The following PCDHGA2 variants were observed in gnomAD, a reference collection of about 807,000 sequenced individuals.
PCDHGA2 encodes protocadherin gamma-A2.
A neutral mutation model predicts 59.2 loss-of-function variants in PCDHGA2; 40 were observed. That is an observed-to-expected ratio of 0.68 (90% CI 0.52 to 0.88). The LOEUF (loss-of-function observed/expected upper bound fraction) is 0.88, where lower values mean the gene tolerates loss of function less well. PCDHGA2 is among the 40% of genes least tolerant of loss of function. The pLI is 0.00. For missense variants in PCDHGA2, 1,226 were observed against 1,204.0 expected, an observed-to-expected ratio of 1.02 and a Z score of -0.27; for synonymous variants, 560 against 526.0, an observed-to-expected ratio of 1.06 and a Z score of -0.89.
At chr5:141,375,743 G>T (rs1306571091) in intron 1 of PCDHGA2, 1 of 1,614,120 alleles carries the variant, frequency 6.2e-7, no homozygotes, top group African/African-American at 1.3e-5. Flanking sequence ...GTTTGTGCTG[G>T]ACCAGAATGA....
chr5:141,375,601 CAT>C, intron 1 of PCDHGA2: 4 of 1,614,206 alleles, frequency 2.5e-6, no homozygotes, highest in Non-Finnish European at 3.4e-6. Context: ...CCTACGTGTC[CAT>C]CAACTCCGAC....
rs56854727 is a variant in PCDHGA2, at chr5:141,438,635, TACACACAC to T, written c.2425-56162_2425-56155del. ...ATATATATATATATATATATATATA[TACACACAC>T]ACACACACATATATGTATATATATA... On this transcript the variant is annotated intron_variant, in intron 1 of 3. Transcript: ENST00000394576. Among the ~76,000 whole-genome samples, 72 of 33,376 alleles carry T rather than the reference TACACACAC, an allele frequency of 2.2e-3. 1 individual carries two copies. Among genetic ancestry groups the T allele is most frequent in the Non-Finnish European group, 3.0e-3 (57 of 18,970 alleles). The allele number at this position is 33,376 out of a possible 152,430, so 21.9% of individuals were successfully genotyped here.
At chr5:141,463,460 T>TA (rs1554144871) in intron 1 of PCDHGA2, among the ~76,000 whole-genome samples, 2 of 136,122 alleles carry the variant, frequency 1.5e-5, no homozygotes, top group Non-Finnish European at 3.1e-5. Context: ...TTTTTTTTTT[T>TA]TTTTTTGAGA....
At chr5:141,343,816 G>GA in intron 1 of PCDHGA2, 3 of 475,220 alleles carry the variant, frequency 6.3e-6, no homozygotes, top group Middle Eastern at 5.5e-4. Context: ...GAACGCAGCT[G>GA]GAGAACTAGT....
intron 1 of PCDHGA2, chr5:141,372,079 T>C: frequency 6.2e-7 from 1 of 1,613,698 alleles, no homozygotes; most frequent in East Asian, 2.2e-5. Flanking sequence ...GCACCGCTGG[T>C]GCTGTACCCA....
At chr5:141,376,281 C>G in intron 1 of PCDHGA2, 2 of 1,614,216 alleles carry the variant, frequency 1.2e-6, no homozygotes, top group Admixed American at 1.7e-5. Flanking sequence ...GGTGGCTTAG[C>G]GAGCATGCCC....
chr5:141,472,071 A>T (rs1243864250), intron 1 of PCDHGA2, among the ~76,000 whole-genome samples: 5 of 152,200 alleles, frequency 3.3e-5, no homozygotes, highest in South Asian at 2.1e-4. Context: ...GTCTGTGGTT[A>T]TATCAATGAG....
intron 2 of PCDHGA2, among the ~76,000 whole-genome samples, chr5:141,496,353 C>T (rs761547879): frequency 4.6e-5 from 7 of 152,210 alleles, no homozygotes; most frequent in Non-Finnish European, 8.8e-5. Context: ...AGTCTCAGAG[C>T]CCAGGGAGAG....
chr5:141,384,286 G>C lies in PCDHGA2; in HGVS notation c.2424+42891G>C, dbSNP rs760333073. ...CTCATCCTACTCAGTCTACATCGCT[G>C]AGAACAACCCCAGAGGGGCCTCCAT... On this transcript the variant is annotated intron_variant, in intron 1 of 3. Coordinates refer to ENST00000394576, the MANE Select transcript of PCDHGA2 (RefSeq NM_018915.4). 3 of 1,613,716 alleles carry C rather than the reference G, an allele frequency of 1.9e-6. No homozygotes were observed. In the East Asian group the frequency reaches 6.7e-5, roughly 36 times the overall value.
At chr5:141,407,497 G>GTTTTTTTTTTTTTTTT (rs1554102286) in intron 1 of PCDHGA2, among the ~76,000 whole-genome samples, 1 of 151,966 alleles carries the variant, frequency 6.6e-6, no homozygotes, top group Non-Finnish European at 1.5e-5. Flanking sequence ...CTTTATTTCT[G>GTTTTTTTTTTTTTTTT]TTTTTCTTAG....
intron 2 of PCDHGA2, among the ~76,000 whole-genome samples, chr5:141,502,496 C>T (rs934563545): frequency 2.0e-5 from 3 of 152,178 alleles, no homozygotes; most frequent in Admixed American, 6.5e-5. Context: ...ACTCATCTAA[C>T]GTCGGCCTGT....
At position 141,491,456 on chromosome 5, in the gene PCDHGA2, C is replaced by G; in HGVS notation, c.2425-3351C>G. On this transcript the variant is annotated intron_variant, in intron 1 of 3. Transcript: ENST00000394576. The surrounding 1 kb of genome is among the most constrained non-coding windows in gnomAD (Gnocchi z 6.9). Reference sequence around the variant, plus strand: ...TGCAGGCGCCAGGACTCACCCTCCCCGGACTTCTATAAGCAGTCCAGCCCC... The same window carrying G: ...TGCAGGCGCCAGGACTCACCCTCCCGGGACTTCTATAAGCAGTCCAGCCCC... 1 of 1,614,104 alleles carries G rather than the reference C, an allele frequency of 6.2e-7. No homozygotes were observed. The highest frequency in any genetic ancestry group is 8.5e-7 in the Non-Finnish European group (1 of 1,180,010).
At position 141,384,265 on chromosome 5, in the gene PCDHGA2, T is replaced by C. The variant is rs553615154; in HGVS notation, c.2424+42870T>C. 81 of 1,613,814 alleles carry C rather than the reference T, an allele frequency of 5.0e-5. No individual in the cohort carries two copies. In the South Asian group the frequency reaches 7.4e-4, roughly 15 times the overall value. Reference sequence around the variant, plus strand: ...TAACCCACCCACCTTCCCCCACTCATCCTACTCAGTCTACATCGCTGAGAA... The same window carrying C: ...TAACCCACCCACCTTCCCCCACTCACCCTACTCAGTCTACATCGCTGAGAA... On this transcript the variant is annotated intron_variant, in intron 1 of 3. Coordinates refer to ENST00000394576, the MANE Select transcript of PCDHGA2 (RefSeq NM_018915.4).
At chr5:141,404,248 G>C (rs1404333144) in intron 1 of PCDHGA2, 10 of 1,613,694 alleles carry the variant, frequency 6.2e-6, no homozygotes, top group South Asian at 1.1e-5. Context: ...CTCCGCCCCT[G>C]TCCACAGAAA....
chr5:141,422,734 T>A, intron 1 of PCDHGA2: 2 of 1,608,114 alleles, frequency 1.2e-6, no homozygotes, highest in Non-Finnish European at 1.7e-6. Context: ...GGTGCCTCTG[T>A]CCTCCTATGT....
intron 1 of PCDHGA2, chr5:141,426,170 T>G (rs2096918811): frequency 6.4e-6 from 1 of 155,200 alleles, no homozygotes. Flanking sequence ...CCATACGGAT[T>G]GGGGTGCCCT....
At position 141,487,780 on chromosome 5, in the gene PCDHGA2, C is replaced by T. The variant is rs1423149; in HGVS notation, c.2425-7027C>T. On this transcript the variant is annotated intron_variant, in intron 1 of 3. Transcript: ENST00000394576. The surrounding 1 kb of genome is among the most constrained non-coding windows in gnomAD (Gnocchi z 5.0). ...TAGACGCTGTGCTTTGTAACTGTTT[C>T]GTGAATTAACCAGAGTTGTCACAGT... 0.06 allele frequency: 91,434 copies of T among 1,526,176 alleles called. 5,728 individuals carry two copies. Among genetic ancestry groups the T allele is most frequent in the African/African-American group, 0.33 (23,789 of 72,466 alleles). The allele number at this position is 1,526,176 out of a possible 1,614,324, so 94.5% of individuals were successfully genotyped here. A position where few individuals can be genotyped will look rare whatever the true frequency, so the allele number is the denominator to read the frequency against.
intron 1 of PCDHGA2, chr5:141,372,352 C>T (rs1300220406): frequency 6.2e-7 from 1 of 1,613,912 alleles, no homozygotes; most frequent in South Asian, 1.1e-5. Flanking sequence ...GGACAGCAGC[C>T]TCTTTCAGCC....
chr5:141,410,730 C>CT (rs1191642079), intron 1 of PCDHGA2: 2 of 1,347,822 alleles, frequency 1.5e-6, no homozygotes, highest in Admixed American at 2.5e-5. Context: ...AAATCCATAG[C>CT]TTTTTACAAT....
Sources: gnomAD v4.1 joint callset for allele counts (sites outside exome capture counted in the v4.1 genomes callset) on GRCh38, gnomAD v4.1.1 for gene constraint, Gnocchi (gnomAD v3.1) non-coding constraint, MANE v1.5 for transcripts, NCBI Gene and HGNC (gene_info 2026-07-23, HGNC 2026-07-21) for gene names.